The following RBFOX1 variants were observed in gnomAD, a reference collection of about 807,000 sequenced individuals.
RBFOX1 encodes RNA binding fox-1 homolog 1.
In RBFOX1, 8 loss-of-function variants were observed where a neutral mutation model predicts 57.7. The observed-to-expected ratio is 0.14, with a 90% CI of 0.08 to 0.25. The LOEUF is 0.25. RBFOX1 is among the 10% of genes least tolerant of loss of function. RBFOX1 has a pLI of 1.00. For synonymous variants in RBFOX1, 326 were observed against 222.4 expected (o/e 1.47, Z -4.15); for missense variants, 611 against 548.5 (o/e 1.11, Z -1.14).
At chr16:5,628,421 T>A (rs954075458) in intron 3 of RBFOX1, among the ~76,000 whole-genome samples, 1 of 152,176 alleles carries the variant, frequency 6.6e-6, no homozygotes, top group East Asian at 1.9e-4. Context: ...GCTCTGAGTT[T>A]TGGGGATAAC....
At chr16:5,630,895 GT>G (rs1004305873) in intron 3 of RBFOX1, among the ~76,000 whole-genome samples, 2 of 152,016 alleles carry the variant, frequency 1.3e-5, no homozygotes, top group East Asian at 1.9e-4. Flanking sequence ...GACCAAATAT[GT>G]TTTTTTTAGT....
chr16:6,194,291 C>A (rs538040219), intron 1 of RBFOX1, among the ~76,000 whole-genome samples: 2 of 152,228 alleles, frequency 1.3e-5, no homozygotes, highest in African/African-American at 4.8e-5. Context: ...ACCAGTTCAC[C>A]TCTCACCCAG....
chr16:6,613,383 T>A (rs1408595931), intron 2 of RBFOX1, among the ~76,000 whole-genome samples: 3 of 152,094 alleles, frequency 2.0e-5, no homozygotes, highest in Non-Finnish European at 4.4e-5. Context: ...CATATGAGAA[T>A]GCCTAGGACA....
chr16:6,755,453 G>A (rs1235037443), intron 3 of RBFOX1, among the ~76,000 whole-genome samples: 2 of 152,188 alleles, frequency 1.3e-5, no homozygotes, highest in Non-Finnish European at 2.9e-5. Flanking sequence ...CTGATGGCCA[G>A]TGATGGTGAG....
Position 5,576,611 on chromosome 16 carries a change from G to A in RBFOX1, c.259-22291G>A, listed in dbSNP as rs553435694. 2.6e-5 allele frequency among the ~76,000 whole-genome samples: 4 copies of A among 152,358 alleles called. No individual in the cohort carries two copies. In the East Asian group the frequency reaches 5.8e-4, roughly 22 times the overall value. ...GGTTTTGCATTAACGGGAACTAGGAGAAGTGCCAAAGTCCATTTTCCGCTG... is the reference window on the plus strand; with the variant it reads ...GGTTTTGCATTAACGGGAACTAGGAAAAGTGCCAAAGTCCATTTTCCGCTG... On this transcript the variant is annotated intron_variant, in intron 2 of 2. Coordinates refer to the RBFOX1 transcript ENST00000585867.
At chr16:6,622,317 A>G (rs1023666506) in intron 2 of RBFOX1, among the ~76,000 whole-genome samples, 1 of 152,214 alleles carries the variant, frequency 6.6e-6, no homozygotes, top group Non-Finnish European at 1.5e-5. Flanking sequence ...ATACAGATGT[A>G]TAATTTTTTA....
At chr16:6,008,115 G>A (rs1362498719) in intron 4 of RBFOX1, among the ~76,000 whole-genome samples, 1 of 152,124 alleles carries the variant, frequency 6.6e-6, no homozygotes, top group African/African-American at 2.4e-5. Flanking sequence ...TGAAGCAGGA[G>A]GGTCACTTGA....
intron 4 of RBFOX1, among the ~76,000 whole-genome samples, chr16:5,962,215 T>C (rs2059764057): frequency 6.6e-6 from 1 of 152,220 alleles, no homozygotes. Context: ...ATTCACTCTT[T>C]ATACCTACAT....
At chr16:7,693,744 A>G (rs2077936130) in intron 14 of RBFOX1, among the ~76,000 whole-genome samples, 2 of 152,162 alleles carry the variant, frequency 1.3e-5, no homozygotes, top group African/African-American at 2.4e-5. Flanking sequence ...GTCTGGGTTC[A>G]TAGAGACTGA....
chr16:7,143,660 T>C (rs2074308690), intron 4 of RBFOX1, among the ~76,000 whole-genome samples: 1 of 152,022 alleles, frequency 6.6e-6, no homozygotes, highest in Admixed American at 6.6e-5. Context: ...AACCTGGGAG[T>C]TCAGCTCTCT....
chr16:6,376,880 C>T (rs2091242617), intron 2 of RBFOX1, among the ~76,000 whole-genome samples: 1 of 152,114 alleles, frequency 6.6e-6, no homozygotes, highest in South Asian at 2.1e-4. Flanking sequence ...TCTGGCGGCC[C>T]TCAGCTTCGA....
chr16:6,849,354 T>G (rs1011176862), intron 3 of RBFOX1, among the ~76,000 whole-genome samples: 1 of 152,182 alleles, frequency 6.6e-6, no homozygotes, highest in East Asian at 1.9e-4. Context: ...AGAAAAAATA[T>G]AGTCTTATAC....
At position 5,424,983 on chromosome 16, in the gene RBFOX1, CTTTTCTTTTCT is replaced by C. The variant is rs1567490666; in HGVS notation, c.220-42229_220-42219del. Among the ~76,000 whole-genome samples the C allele has an allele frequency of 3.9e-4, 10 of 25,570 alleles. 1 individual carries two copies. Among genetic ancestry groups the C allele is most frequent in the African/African-American group, 9.1e-4 (9 of 9,852 alleles). The allele number at this position is 25,570 out of a possible 152,430, so 16.8% of individuals were successfully genotyped here. On this transcript the variant is annotated intron_variant, in intron 1 of 2. Coordinates refer to the RBFOX1 transcript ENST00000585867. ...TTCTTTCTCTTTCTTTCTTTCTTTT[CTTTTCTTTTCT>C]TTTCTTTTCTTTTCTTTTCTTTCTT...
intron 3 of RBFOX1, among the ~76,000 whole-genome samples, chr16:6,804,423 A>G (rs1032244140): frequency 2.0e-5 from 3 of 152,168 alleles, no homozygotes; most frequent in African/African-American, 4.8e-5. Flanking sequence ...CAGGTCAACA[A>G]TAACTCTTTG....
chr16:7,089,084 C>T (rs1045229653), intron 4 of RBFOX1, among the ~76,000 whole-genome samples: 1 of 152,144 alleles, frequency 6.6e-6, no homozygotes, highest in South Asian at 2.1e-4. Context: ...TACACCCTTG[C>T]CCCCTTTCTT....
chr16:7,507,072 G>C lies in RBFOX1; in HGVS notation c.28-11075G>C, dbSNP rs899660265. Reference sequence around the variant, plus strand: ...TTATATTTTATGAATAAGGAAACTGGGTCACATAAAGGTTGAATGACTTGC... The same window carrying C: ...TTATATTTTATGAATAAGGAAACTGCGTCACATAAAGGTTGAATGACTTGC... On this transcript the variant is annotated intron_variant, in intron 4 of 15. Coordinates refer to ENST00000550418, the MANE Select transcript of RBFOX1 (RefSeq NM_018723.4). Among the ~76,000 whole-genome samples, 4 of 152,072 alleles carry C rather than the reference G, an allele frequency of 2.6e-5. No individual in the cohort carries two copies. In the East Asian group the frequency reaches 7.7e-4, roughly 29 times the overall value.
At chr16:7,270,550 GCTCACTGCTGGCC>G (rs1295959667) in intron 4 of RBFOX1, among the ~76,000 whole-genome samples, 3 of 152,212 alleles carry the variant, frequency 2.0e-5, no homozygotes, top group Non-Finnish European at 4.4e-5. Context: ...TGCAGTGGTG[GCTCACTGCTGGCC>G]CACAGACTAG....
intron 2 of RBFOX1, among the ~76,000 whole-genome samples, chr16:5,566,208 C>G (rs2046061115): frequency 6.6e-6 from 1 of 152,144 alleles, no homozygotes; most frequent in African/African-American, 2.4e-5. Context: ...GGATGTGAAT[C>G]CGACCACACT....
intron 3 of RBFOX1, among the ~76,000 whole-genome samples, chr16:6,864,520 T>G (rs2059572956): frequency 6.6e-6 from 1 of 151,252 alleles, no homozygotes; most frequent in Non-Finnish European, 1.5e-5. Flanking sequence ...AAAATTTAGT[T>G]TTAAACCCCC....
Sources: gnomAD v4.1 joint callset for allele counts (sites outside exome capture counted in the v4.1 genomes callset) on GRCh38, gnomAD v4.1.1 for gene constraint, MANE v1.5 for transcripts, NCBI Gene and HGNC (gene_info 2026-07-23, HGNC 2026-07-21) for gene names.